Variants in RXRA observed in about 807,000 individuals in gnomAD.
The protein encoded by RXRA is retinoic acid receptor RXR-alpha.
RXRA carries 5 observed loss-of-function variants against 44.5 expected under a neutral mutation model. The observed-to-expected ratio is 0.11, with a 90% CI of 0.06 to 0.24. The LOEUF is 0.24. Among genes scored for constraint, RXRA ranks in the 10% least tolerant of loss-of-function variants. The probability of loss-of-function intolerance (pLI) is 1.00; values close to 1 mark genes in which losing one functional copy is unlikely to be tolerated. For missense variants in RXRA, 412 were observed against 646.5 expected, an observed-to-expected ratio of 0.64 and a Z score of 3.93; for synonymous variants, 291 against 271.4, an observed-to-expected ratio of 1.07 and a Z score of -0.71.
Position 134,437,222 on chromosome 9 carries a change from A to G in RXRA, c.*608A>G, listed in dbSNP as rs1009819162. The G allele has an allele frequency of 1.3e-5, 2 of 153,584 alleles. No individual in the cohort carries two copies. Among genetic ancestry groups the G allele is most frequent in the African/African-American group, 4.8e-5 (2 of 41,430 alleles). 9.5% of individuals were successfully genotyped at this position (153,584 alleles called of 1,614,324 possible). Reference sequence around the variant, plus strand: ...TGCCCTGTGCTCTGAGTGAGGGGGAAGGTAGCCCCTTTTTCCAAAGATAAC... The same window carrying G: ...TGCCCTGTGCTCTGAGTGAGGGGGAGGGTAGCCCCTTTTTCCAAAGATAAC... On this transcript the variant is annotated 3_prime_UTR_variant, in exon 10 of 10. Coordinates refer to ENST00000481739, the MANE Select transcript of RXRA (RefSeq NM_002957.6).
chr9:134,426,546 G>C lies in RXRA; in HGVS notation c.911-2562G>C. The C allele has an allele frequency of 2.0e-6, 2 of 985,436 alleles. No individual in the cohort carries two copies. Among genetic ancestry groups the C allele is most frequent in the South Asian group, 9.4e-5 (2 of 21,288 alleles). The allele number at this position is 985,436 out of a possible 1,614,324, so 61.0% of individuals were successfully genotyped here. On this transcript the variant is annotated intron_variant, in intron 6 of 9. Transcript: ENST00000481739. This position sits in a 1 kb window ranked among gnomAD's most constrained non-coding sequence, Gnocchi z 4.6. The stretch of plus-strand genomic sequence containing the variant: ...CCGCACTGTTCTGTCCGTGTGTCTG[G>C]GCTCCTGACCTGTATCCCGTGCTGA...
At chr9:134,352,606 T>C (rs1588259118) in intron 1 of RXRA, among the ~76,000 whole-genome samples, 2 of 152,162 alleles carry the variant, frequency 1.3e-5, no homozygotes, top group Non-Finnish European at 1.5e-5. Flanking sequence ...TTGGTGGGAC[T>C]GAAGATGCAC....
chr9:134,367,112 G>A (rs61408564), intron 1 of RXRA, among the ~76,000 whole-genome samples: 8,237 of 152,196 alleles, frequency 0.054, 733 homozygotes, highest in African/African-American at 0.19. Flanking sequence ...CACTTGCACA[G>A]CCACCACCAC....
intron 1 of RXRA, among the ~76,000 whole-genome samples, chr9:134,360,832 C>T (rs1395830500): frequency 1.3e-5 from 2 of 152,242 alleles, no homozygotes; most frequent in Admixed American, 6.5e-5. Flanking sequence ...ACCCCGAGGC[C>T]TGCCAGTGGG....
chr9:134,372,957 G>A (rs1830508320), intron 1 of RXRA, among the ~76,000 whole-genome samples: 2 of 152,224 alleles, frequency 1.3e-5, no homozygotes, highest in South Asian at 4.1e-4. Context: ...GCTGCGGTAG[G>A]CCAGACCCTC....
At chr9:134,402,298 GC>G in intron 2 of RXRA, 1 of 180,538 alleles carries the variant, frequency 5.5e-6, no homozygotes, top group Non-Finnish European at 1.1e-5. Context: ...AGGCCAAAGG[GC>G]CCCCAGGGAA....
At chr9:134,361,246 C>A (rs769723437) in intron 1 of RXRA, among the ~76,000 whole-genome samples, 5 of 152,194 alleles carry the variant, frequency 3.3e-5, no homozygotes, top group Non-Finnish European at 5.9e-5. Flanking sequence ...ACCTGGAGAC[C>A]CTTTTCAATG....
intron 1 of RXRA, among the ~76,000 whole-genome samples, chr9:134,360,147 G>A (rs937643714): frequency 6.6e-6 from 1 of 152,180 alleles, no homozygotes; most frequent in African/African-American, 2.4e-5. Flanking sequence ...CGATTGCTCT[G>A]TCCTGCCTGG....
At chr9:134,353,875 C>T (rs557195932) in intron 1 of RXRA, among the ~76,000 whole-genome samples, 7 of 152,330 alleles carry the variant, frequency 4.6e-5, no homozygotes, top group East Asian at 1.9e-4. Flanking sequence ...GCCCTGCTGG[C>T]GGTGAGCTCG....
chr9:134,396,552 C>T (rs1040403182), intron 1 of RXRA, among the ~76,000 whole-genome samples: 2 of 152,010 alleles, frequency 1.3e-5, no homozygotes, highest in Non-Finnish European at 2.9e-5. Flanking sequence ...GTTGCAGGGA[C>T]GTTGCAGGGA....
chr9:134,409,144 C>A (rs374622567), intron 4 of RXRA, 25 bp downstream of exon 4: 1 of 1,518,838 alleles, frequency 6.6e-7, no homozygotes, highest in Non-Finnish European at 8.8e-7. Context: ...CGGGTGGGGG[C>A]GCGGGCAGGT....
chr9:134,370,534 A>C (rs752741617), intron 1 of RXRA, among the ~76,000 whole-genome samples: 4 of 152,230 alleles, frequency 2.6e-5, no homozygotes, highest in Non-Finnish European at 5.9e-5. Context: ...CGAAGGGCTC[A>C]TGGTGAGCCC....
rs200082299 is a variant in RXRA at position 134,401,735 on chromosome 9, G to A, written c.132G>A (p.Pro44=). 276 of 1,613,088 alleles carry A rather than the reference G, an allele frequency of 1.7e-4. No individual in the cohort carries two copies. The Admixed American group carries it at 4.3e-3, about 25-fold the overall frequency. The part of the protein sequence containing the change: ...HPSLGPGIGS[P]GQLHSPISTL... ...CCCTGGGGCCTGGCATCGGCTCCCC[G>A]GGACAGCTGCATTCTCCCATCAGCA... The change falls in exon 2 of 10, where the codon CCG becomes CCA. Residue 44 remains proline, a synonymous_variant. Transcript: ENST00000481739.
intron 1 of RXRA, chr9:134,372,278 A>G (rs962390092): frequency 6.6e-6 from 1 of 152,186 alleles, no homozygotes; most frequent in Non-Finnish European, 1.5e-5. Flanking sequence ...ACACGCGCCC[A>G]CTGGGGAGGT....
intron 1 of RXRA, among the ~76,000 whole-genome samples, chr9:134,336,730 A>G (rs1588248360): frequency 6.6e-6 from 1 of 152,338 alleles, no homozygotes; most frequent in East Asian, 1.9e-4. Context: ...TATAAGCCTC[A>G]TGAAGTTTGT....
At chr9:134,424,385 G>T in intron 6 of RXRA, 1 of 985,252 alleles carries the variant, frequency 1.0e-6, no homozygotes, top group East Asian at 1.1e-4. Context: ...TCTCTGAGTG[G>T]GACTCCCAGC....
At position 134,437,916 on chromosome 9, in the gene RXRA, G is replaced by A. The variant is rs1290072269; in HGVS notation, c.*1302G>A. 1 of 147,344 alleles carries A rather than the reference G, an allele frequency of 6.8e-6. No homozygotes were observed. The highest frequency in any genetic ancestry group is 1.5e-5 in the Non-Finnish European group (1 of 66,642). 9.1% of individuals were successfully genotyped at this position (147,344 alleles called of 1,614,324 possible). On this transcript the variant is annotated 3_prime_UTR_variant, in exon 10 of 10. Transcript: ENST00000481739. ...GGAGCCTCACTGAACGCCTGCTCTG[G>A]TTGAAGGTGGGGTGGGGGCGGGGCT...
rs1287371423 is a variant in RXRA at position 134,407,300 on chromosome 9, C to T, written c.280-849C>T. ...AGGGGAGCTTCCTGCGCACAAGCGG[C>T]GGCAGGGGTTTGCAGAAGTGGAGGC... On this transcript the variant is annotated intron_variant, in intron 2 of 9. Transcript: ENST00000481739. The surrounding 1 kb of genome is among the most constrained non-coding windows in gnomAD (Gnocchi z 4.8). Among the ~76,000 whole-genome samples, 6 of 152,206 alleles carry T rather than the reference C, an allele frequency of 3.9e-5. No individual in the cohort carries two copies. The highest frequency in any genetic ancestry group is 5.9e-5 in the Non-Finnish European group (4 of 68,042).
chr9:134,349,738 A>T lies in RXRA; in HGVS notation c.28+23079A>T, dbSNP rs921292797. On this transcript the variant is annotated intron_variant, in intron 1 of 9. Coordinates refer to ENST00000481739, the MANE Select transcript of RXRA (RefSeq NM_002957.6). This position sits in a 1 kb window ranked among gnomAD's most constrained non-coding sequence, Gnocchi z 4.3. ...TCTCCCTGGAGGCGCAGGGCTGTGC[A>T]CAGGATTCCCCAGGGCTGGGCCAGC... Among the ~76,000 whole-genome samples the T allele has an allele frequency of 2.7e-5, 4 of 149,734 alleles. No individual in the cohort carries two copies. Among genetic ancestry groups the T allele is most frequent in the African/African-American group, 7.3e-5 (3 of 41,006 alleles).
Sources: gnomAD v4.1 joint callset for allele counts (sites outside exome capture counted in the v4.1 genomes callset) on GRCh38, gnomAD v4.1.1 for gene constraint, Gnocchi (gnomAD v3.1) non-coding constraint, MANE v1.5 for transcripts, NCBI Gene and HGNC (gene_info 2026-07-23, HGNC 2026-07-21) for gene names.